SEPTIN9: variants seen among roughly 807,000 people sequenced by gnomAD.
The protein encoded by SEPTIN9 is septin 9, also known as septin-9.
Under a neutral mutation model 56.6 loss-of-function variants are expected in SEPTIN9, and 13 were observed. The ratio of observed to expected loss-of-function variants is 0.23; its 90% CI spans 0.15 to 0.37. The LOEUF is 0.37. SEPTIN9 is among the 10% of genes least tolerant of loss of function. The pLI is 1.00. For missense variants in SEPTIN9, 650 were observed against 823.1 expected (o/e 0.79, Z 2.57); for synonymous variants, 332 against 334.1 (o/e 0.99, Z 0.07).
intron 3 of SEPTIN9, among the ~76,000 whole-genome samples, chr17:77,411,619 CT>C (rs2036304531): frequency 6.6e-6 from 1 of 151,484 alleles, no homozygotes; most frequent in Non-Finnish European, 1.5e-5. Flanking sequence ...CCAGGCTGCT[CT>C]TGAACTCCTG....
At chr17:77,347,458 T>G (rs768018827) in intron 2 of SEPTIN9, among the ~76,000 whole-genome samples, 1 of 152,118 alleles carries the variant, frequency 6.6e-6, no homozygotes, top group African/African-American at 2.4e-5. Flanking sequence ...TTTTATATCA[T>G]GTATTTTGAA....
intron 11 of SEPTIN9, 92 bp downstream of exon 11, chr17:77,497,458 T>C: frequency 4.2e-6 from 5 of 1,186,338 alleles, no homozygotes; most frequent in Non-Finnish European, 6.2e-6. Context: ...GCCGAAGCCC[T>C]GGGCAGAGTG....
rs544256321 is a variant in SEPTIN9, at chr17:77,468,611, A to G, written c.722-13533A>G. 9.2e-5 allele frequency among the ~76,000 whole-genome samples: 14 copies of G among 152,244 alleles called. No individual in the cohort carries two copies. The South Asian group carries it at 2.9e-3, about 31-fold the overall frequency. On this transcript the variant is annotated intron_variant, in intron 3 of 11. Transcript: ENST00000427177. ...TCCCATTTCACATGTAAGAACATTG[A>G]GGCACAGAGTGGTTAAGTTACTTGC...
intron 2 of SEPTIN9, among the ~76,000 whole-genome samples, chr17:77,398,344 C>G (rs1351351867): frequency 6.6e-6 from 1 of 152,220 alleles, no homozygotes; most frequent in Non-Finnish European, 1.5e-5. Flanking sequence ...ACATTCAACT[C>G]TGTTCCCGGG....
chr17:77,406,860 G>A (rs1356129580), intron 3 of SEPTIN9, among the ~76,000 whole-genome samples: 3 of 151,846 alleles, frequency 2.0e-5, no homozygotes, highest in East Asian at 1.9e-4. Flanking sequence ...TAGTAGAGAC[G>A]GGGTTTCACC....
chr17:77,391,713 T>TC (rs1338757480), intron 2 of SEPTIN9, among the ~76,000 whole-genome samples: 1 of 152,220 alleles, frequency 6.6e-6, no homozygotes, highest in Non-Finnish European at 1.5e-5. Context: ...CATAGCAGAT[T>TC]CTGGAGGTTC....
At chr17:77,444,434 A>G (rs1360112279) in intron 3 of SEPTIN9, among the ~76,000 whole-genome samples, 1 of 151,556 alleles carries the variant, frequency 6.6e-6, no homozygotes, top group African/African-American at 2.4e-5. Context: ...GACACCGGGA[A>G]GAAACAGCCA....
intron 3 of SEPTIN9, chr17:77,446,620 G>A (rs1210593835): frequency 6.0e-6 from 1 of 166,376 alleles, no homozygotes; most frequent in African/African-American, 2.4e-5. Flanking sequence ...CAAAGTGCTG[G>A]GATTGCAGCC....
intron 2 of SEPTIN9, among the ~76,000 whole-genome samples, chr17:77,382,002 A>T (rs1264657539): frequency 4.6e-5 from 7 of 151,738 alleles, no homozygotes; most frequent in African/African-American, 1.7e-4. Flanking sequence ...TTCTCTTGCC[A>T]TTTTCCTTTT....
chr17:77,288,146 GAGA>G, intron 1 of SEPTIN9: 1 of 1,062,550 alleles, frequency 9.4e-7, no homozygotes, highest in Non-Finnish European at 1.1e-6. Context: ...TGGGGTTTCA[GAGA>G]AGGGGTCCAG....
At chr17:77,477,996 T>C (rs312822) in intron 3 of SEPTIN9, among the ~76,000 whole-genome samples, 17,374 of 152,018 alleles carry the variant, frequency 0.11, 3,198 homozygotes, top group African/African-American at 0.39. Context: ...GCCGTCTTGC[T>C]GGAGCCCACG....
intron 3 of SEPTIN9, among the ~76,000 whole-genome samples, chr17:77,404,284 C>T (rs926594094): frequency 6.6e-6 from 1 of 152,118 alleles, no homozygotes; most frequent in South Asian, 2.1e-4. Context: ...TTGCTCTGTC[C>T]TCCAGGCTGG....
chr17:77,377,485 C>G (rs763260366), intron 2 of SEPTIN9, among the ~76,000 whole-genome samples: 1 of 152,070 alleles, frequency 6.6e-6, no homozygotes, highest in Non-Finnish European at 1.5e-5. Flanking sequence ...AGAAAGAATC[C>G]AAAAGTCCTT....
chr17:77,480,163 C>A (rs1306863820), intron 3 of SEPTIN9, among the ~76,000 whole-genome samples: 1 of 152,172 alleles, frequency 6.6e-6, no homozygotes, highest in Admixed American at 6.5e-5. Context: ...GTGGACCCCC[C>A]CTTGGCATTT....
intron 3 of SEPTIN9, chr17:77,428,982 A>G (rs1276350457): frequency 2.1e-6 from 1 of 470,918 alleles, no homozygotes; most frequent in African/African-American, 2.0e-5. Flanking sequence ...TCAGTGTATA[A>G]TAAGTGGTAA....
At chr17:77,432,674 T>A (rs1377627346) in intron 3 of SEPTIN9, among the ~76,000 whole-genome samples, 1 of 151,804 alleles carries the variant, frequency 6.6e-6, no homozygotes, top group Non-Finnish European at 1.5e-5. Flanking sequence ...GAGCGGGGGG[T>A]GTGTGAGGCC....
At chr17:77,387,125 G>A (rs1357397010) in intron 2 of SEPTIN9, among the ~76,000 whole-genome samples, 1 of 152,198 alleles carries the variant, frequency 6.6e-6, no homozygotes, top group African/African-American at 2.4e-5. Context: ...AAAGCCCCAC[G>A]AACTTTGGGG....
At chr17:77,333,167 T>C (rs1323992501) in intron 2 of SEPTIN9, among the ~76,000 whole-genome samples, 1 of 152,244 alleles carries the variant, frequency 6.6e-6, no homozygotes, top group Non-Finnish European at 1.5e-5. Context: ...GGTGGGCGTG[T>C]AGTGGTATCA....
rs964074696 is a variant in SEPTIN9, at chr17:77,497,693, G to A, written c.1625+327G>A. The A allele has an allele frequency of 4.9e-5, 22 of 449,670 alleles. No individual in the cohort carries two copies. The East Asian group carries it at 6.8e-4, about 14-fold the overall frequency. The allele number at this position is 449,670 out of a possible 1,614,324, so 27.9% of individuals were successfully genotyped here. On this transcript the variant is annotated intron_variant, in intron 11 of 11. Coordinates refer to ENST00000427177, the MANE Select transcript of SEPTIN9 (RefSeq NM_001113491.2). Reference sequence around the variant, plus strand: ...TGAGGCCTCATGTGCAGGCCCTGCCGGCAGCGTGGGGCGTCTCCAGCTCCG... The same window carrying A: ...TGAGGCCTCATGTGCAGGCCCTGCCAGCAGCGTGGGGCGTCTCCAGCTCCG...
Sources: allele counts gnomAD v4.1 joint callset (sites outside exome capture counted in the v4.1 genomes callset), GRCh38; gene constraint gnomAD v4.1.1; transcripts MANE v1.5; gene names NCBI Gene and HGNC (gene_info 2026-07-23, HGNC 2026-07-21).